MTHFD2L: variants seen among roughly 807,000 people sequenced by gnomAD.
MTHFD2L encodes bifunctional methylenetetrahydrofolate dehydrogenase/cyclohydrolase 2, mitochondrial.
Under a neutral mutation model 34.9 loss-of-function variants are expected in MTHFD2L, and 29 were observed. The ratio of observed to expected loss-of-function variants is 0.83; its 90% CI spans 0.62 to 1.13. MTHFD2L has a LOEUF of 1.13. Ranked by LOEUF, MTHFD2L falls within the 50% of genes most tolerant of loss-of-function variation. MTHFD2L has a pLI of 0.00. For synonymous variants in MTHFD2L, 167 were observed against 155.7 expected (o/e 1.07, Z -0.54); for missense variants, 481 against 446.5 (o/e 1.08, Z -0.70).
intron 5 of MTHFD2L, among the ~76,000 whole-genome samples, chr4:74,219,927 C>T (rs139831263): frequency 2.1e-3 from 324 of 152,186 alleles, no homozygotes; most frequent in African/African-American, 7.6e-3. Context: ...AAGGGTTTTC[C>T]ACGCAGATTG....
chr4:74,188,584 A>G (rs951308661), intron 3 of MTHFD2L, among the ~76,000 whole-genome samples: 3 of 152,034 alleles, frequency 2.0e-5, no homozygotes, highest in Admixed American at 1.3e-4. Context: ...CTGAGGGGAT[A>G]GGAAAGAGAG....
At chr4:74,180,280 A>G (rs554709913) in intron 3 of MTHFD2L, among the ~76,000 whole-genome samples, 1 of 152,152 alleles carries the variant, frequency 6.6e-6, no homozygotes, top group Non-Finnish European at 1.5e-5. Context: ...GATTGGCTGT[A>G]TAGAAGTAGA....
intron 7 of MTHFD2L, among the ~76,000 whole-genome samples, chr4:74,290,354 T>G (rs1748731227): frequency 6.6e-6 from 1 of 152,204 alleles, no homozygotes; most frequent in African/African-American, 2.4e-5. Context: ...ATTTGAAAGT[T>G]TGGATTCATC....
intron 6 of MTHFD2L, among the ~76,000 whole-genome samples, chr4:74,271,528 A>G (rs1404354738): frequency 2.6e-5 from 4 of 152,180 alleles, no homozygotes; most frequent in Non-Finnish European, 5.9e-5. Flanking sequence ...CCATTGGTCT[A>G]TATCTCTATT....
intron 7 of MTHFD2L, among the ~76,000 whole-genome samples, chr4:74,294,858 T>C (rs752053401): frequency 6.6e-6 from 1 of 152,044 alleles, no homozygotes; most frequent in East Asian, 1.9e-4. Context: ...ATCAGCCACA[T>C]AGGGGAGAAG....
At chr4:74,215,569 T>C (rs1191036260) in intron 5 of MTHFD2L, among the ~76,000 whole-genome samples, 3 of 151,540 alleles carry the variant, frequency 2.0e-5, no homozygotes, top group Non-Finnish European at 2.9e-5. Flanking sequence ...AGTACCTTAG[T>C]TGGAAATGCA....
Position 74,175,422 on chromosome 4 carries a change from A to T in MTHFD2L, c.451+19A>T, listed in dbSNP as rs1488864663. 5 of 1,588,824 alleles carry T rather than the reference A, an allele frequency of 3.1e-6. 1 individual carries two copies. The South Asian group carries it at 5.8e-5, about 18-fold the overall frequency. On this transcript the variant is annotated intron_variant, in intron 3 of 7. Coordinates refer to ENST00000325278, the MANE Select transcript of MTHFD2L (RefSeq NM_001144978.3). ...CTACCAGGTACATAATGCTCCTCTT[A>T]TTTATCTGATTTTGTTAAAAGTGAA...
intron 3 of MTHFD2L, among the ~76,000 whole-genome samples, chr4:74,176,618 G>A (rs948484054): frequency 1.3e-5 from 2 of 152,034 alleles, no homozygotes; most frequent in Non-Finnish European, 2.9e-5. Flanking sequence ...ACTGGTCACT[G>A]ATCATCATCT....
chr4:74,245,866 C>G (rs1229059386), intron 6 of MTHFD2L, among the ~76,000 whole-genome samples: 4 of 151,276 alleles, frequency 2.6e-5, no homozygotes, highest in Admixed American at 2.6e-4. Context: ...TTTTCTTAAT[C>G]CAGTCTATCA....
chr4:74,221,994 T>G (rs896604245), intron 5 of MTHFD2L, among the ~76,000 whole-genome samples: 12 of 151,906 alleles, frequency 7.9e-5, no homozygotes, highest in African/African-American at 2.7e-4. Context: ...CGACCTGCTA[T>G]TTGCCAGTAA....
At chr4:74,283,837 A>G (rs930595092) in intron 7 of MTHFD2L, among the ~76,000 whole-genome samples, 1 of 152,158 alleles carries the variant, frequency 6.6e-6, no homozygotes, top group Admixed American at 6.6e-5. Flanking sequence ...CCACAGGAGC[A>G]GGCAAGTGAT....
chr4:74,237,327 A>T (rs1740995194), intron 6 of MTHFD2L, among the ~76,000 whole-genome samples: 1 of 152,168 alleles, frequency 6.6e-6, no homozygotes, highest in Non-Finnish European at 1.5e-5. Context: ...CTCCCTGTTC[A>T]ATGAATGAAT....
At chr4:74,258,655 CAT>C (rs1388548428) in intron 6 of MTHFD2L, among the ~76,000 whole-genome samples, 5 of 151,982 alleles carry the variant, frequency 3.3e-5, no homozygotes, top group Admixed American at 6.6e-5. Context: ...TATACACACA[CAT>C]AAAATTTATG....
intron 6 of MTHFD2L, among the ~76,000 whole-genome samples, chr4:74,253,579 G>A (rs567290182): frequency 1.7e-4 from 26 of 152,134 alleles, no homozygotes; most frequent in Middle Eastern, 3.4e-3. Context: ...ACTGCAAATC[G>A]CAGCACCAAC....
intron 4 of MTHFD2L, 73 bp from the exon 5 acceptor site, chr4:74,201,190 C>A: frequency 1.9e-6 from 2 of 1,050,170 alleles, no homozygotes; most frequent in African/African-American, 1.6e-5. Context: ...AAGAATGTTT[C>A]AGTTGGCTGT....
intron 6 of MTHFD2L, among the ~76,000 whole-genome samples, chr4:74,234,581 C>T (rs1013273738): frequency 6.6e-6 from 1 of 151,936 alleles, no homozygotes. Context: ...ATTCATCCAT[C>T]CAGCAAACAC....
chr4:74,243,423 C>T (rs7675151), intron 6 of MTHFD2L, among the ~76,000 whole-genome samples: 2,135 of 152,180 alleles, frequency 0.014, 43 homozygotes, highest in African/African-American at 0.045. Flanking sequence ...AAAACTCTGC[C>T]GTGAAGACCT....
At position 74,158,162 on chromosome 4, in the gene MTHFD2L, C is replaced by T. The variant is rs1327884436; in HGVS notation, c.24C>T (p.Phe8=). The T allele has an allele frequency of 1.3e-6, 2 of 1,529,394 alleles. No homozygotes were observed. Among genetic ancestry groups the T allele is most frequent in the Non-Finnish European group, 8.8e-7 (1 of 1,139,672 alleles). 94.7% of individuals were successfully genotyped at this position (1,529,394 alleles called of 1,614,324 possible). A position where few individuals can be genotyped will look rare whatever the true frequency, so the allele number is the denominator to read the frequency against. ...CCATGACGGTGCCGGTCCGCGGCTTCTCGCTGCTCCGCGGCCGCCTTGGCC... is the reference window on the plus strand; with the variant it reads ...CCATGACGGTGCCGGTCCGCGGCTTTTCGCTGCTCCGCGGCCGCCTTGGCC... MTVPVRG[F]SLLRGRLGRA... is the part of the protein sequence containing the mutation. The change falls in exon 1 of 8, where the codon TTC becomes TTT. Residue 8 remains phenylalanine (F), a synonymous_variant. Transcript: ENST00000325278.
chr4:74,120,819 C>T (rs1292438144), upstream of MTHFD2L, among the ~76,000 whole-genome samples: 1 of 152,136 alleles, frequency 6.6e-6, no homozygotes, highest in Non-Finnish European at 1.5e-5. Flanking sequence ...GTTATGAGAG[C>T]CACTCCAGAG....
Sources: gnomAD v4.1 joint callset for allele counts (sites outside exome capture counted in the v4.1 genomes callset) on GRCh38, gnomAD v4.1.1 for gene constraint, MANE v1.5 for transcripts, NCBI Gene and HGNC (gene_info 2026-07-23, HGNC 2026-07-21) for gene names.